ARSG: variants seen among roughly 807,000 people sequenced by gnomAD.
The protein encoded by ARSG is ASG.
ARSG carries 37 observed loss-of-function variants against 50.5 expected under a neutral mutation model. That is an observed-to-expected ratio of 0.73 (90% confidence interval 0.56 to 0.96). The LOEUF is 0.96. Among genes scored for constraint, ARSG ranks in the 50% least tolerant of loss-of-function variants. ARSG has a pLI of 0.00. For missense variants in ARSG, 629 were observed against 675.3 expected (o/e 0.93, Z 0.76); for synonymous variants, 225 against 254.6 (o/e 0.88, Z 1.11).
intron 5 of ARSG, among the ~76,000 whole-genome samples, chr17:68,353,303 C>G (rs949310989): frequency 6.6e-6 from 1 of 152,062 alleles, no homozygotes; most frequent in Non-Finnish European, 1.5e-5. Context: ...ATCCAGGTCT[C>G]TCTGAGTCCA....
At chr17:68,426,253 G>GGGGGGGGGGT, downstream of ARSG, 7 of 841,012 alleles carry the variant, frequency 8.3e-6, no homozygotes, top group South Asian at 4.0e-5. Flanking sequence ...GGGGAGCGGG[G>GGGGGGGGGGT]GCTCAAATAA....
chr17:68,347,295 C>A, intron 4 of ARSG, 123 bp downstream of exon 4: 1 of 1,164,008 alleles, frequency 8.6e-7, no homozygotes, highest in Non-Finnish European at 1.3e-6. Flanking sequence ...CATCTTTGTT[C>A]ACGAGGTCAT....
the ARSG span, among the ~76,000 whole-genome samples, chr17:68,450,322 A>C: frequency 9.2e-5 from 14 of 152,246 alleles, no homozygotes; most frequent in Non-Finnish European, 1.9e-4. Flanking sequence ...TCTCCTGCTC[A>C]GTGGTATTGC....
chr17:68,259,172 C>G (rs1357321539), upstream of ARSG: 7 of 152,392 alleles, frequency 4.6e-5, 1 homozygote, highest in East Asian at 3.9e-4. Context: ...GGAAACGCGT[C>G]GCTGTCCCCG....
chr17:68,354,734 A>G (rs1011217736), intron 5 of ARSG, among the ~76,000 whole-genome samples: 9 of 151,928 alleles, frequency 5.9e-5, no homozygotes, highest in African/African-American at 1.9e-4. Flanking sequence ...AAATACAAAA[A>G]TTAGCCAGGT....
At chr17:68,446,582 G>T in the ARSG span, among the ~76,000 whole-genome samples, 1 of 152,148 alleles carries the variant, frequency 6.6e-6, no homozygotes, top group Admixed American at 6.5e-5. Flanking sequence ...AAATATGAGT[G>T]TTCCTCTGTG....
At chr17:68,277,349 C>T (rs1183453130) in intron 1 of ARSG, among the ~76,000 whole-genome samples, 1 of 152,084 alleles carries the variant, frequency 6.6e-6, no homozygotes, top group Non-Finnish European at 1.5e-5. Flanking sequence ...TCAGGCTGGT[C>T]TCGAATTCCT....
At chr17:68,369,666 TCA>T (rs1267203093) in intron 7 of ARSG, among the ~76,000 whole-genome samples, 4 of 152,214 alleles carry the variant, frequency 2.6e-5, no homozygotes, top group African/African-American at 9.6e-5. Flanking sequence ...CCTTAATCTC[TCA>T]GTCTCCTTTT....
At chr17:68,338,568 C>T (rs999592450) in intron 2 of ARSG, among the ~76,000 whole-genome samples, 5 of 152,144 alleles carry the variant, frequency 3.3e-5, no homozygotes, top group African/African-American at 4.8e-5. Flanking sequence ...CATAGTGCCA[C>T]GGCCAGGAGC....
At chr17:68,314,327 G>GACC (rs1555767790) in intron 2 of ARSG, among the ~76,000 whole-genome samples, 1 of 151,974 alleles carries the variant, frequency 6.6e-6, no homozygotes, top group African/African-American at 2.4e-5. Context: ...AGGAGTTTGA[G>GACC]ACCAGCCTGA....
At chr17:68,370,100 C>T (rs961715394) in intron 7 of ARSG, among the ~76,000 whole-genome samples, 3 of 152,076 alleles carry the variant, frequency 2.0e-5, no homozygotes, top group Non-Finnish European at 4.4e-5. Context: ...CTGCAACCTC[C>T]GCCTCCTGGG....
the ARSG span, chr17:68,444,605 C>T: frequency 5.0e-6 from 8 of 1,603,524 alleles, no homozygotes; most frequent in East Asian, 1.8e-4. Flanking sequence ...ATCACACAGA[C>T]TTATCAGTCT....
chr17:68,421,594 C>A (rs936767364), downstream of ARSG: 6 of 770,598 alleles, frequency 7.8e-6, no homozygotes, highest in Non-Finnish European at 1.3e-5. Context: ...CCATTGGCAA[C>A]CAGGGTCGTG....
At chr17:68,400,356 A>T (rs1245728372) in intron 10 of ARSG, 1 of 152,180 alleles carries the variant, frequency 6.6e-6, no homozygotes, top group Non-Finnish European at 1.5e-5. Flanking sequence ...AGATTTCCTC[A>T]GTCCAAATAT....
At chr17:68,396,746 T>C (rs2081266319) in intron 10 of ARSG, among the ~76,000 whole-genome samples, 2 of 152,186 alleles carry the variant, frequency 1.3e-5, no homozygotes, top group Non-Finnish European at 2.9e-5. Context: ...TCGGTTCTTC[T>C]GTGCACATTA....
chr17:68,318,597 C>T (rs1233579199), intron 2 of ARSG, among the ~76,000 whole-genome samples: 3 of 152,250 alleles, frequency 2.0e-5, no homozygotes, highest in Non-Finnish European at 2.9e-5. Flanking sequence ...TTTGCTTGAA[C>T]TGTCTGCCAG....
At chr17:68,447,113 C>A in the ARSG span, among the ~76,000 whole-genome samples, 1 of 152,284 alleles carries the variant, frequency 6.6e-6, no homozygotes, top group East Asian at 1.9e-4. Flanking sequence ...GCAATAACTC[C>A]TTTTATCAAT....
At chr17:68,303,597 C>T (rs1231670729) in intron 1 of ARSG, among the ~76,000 whole-genome samples, 3 of 152,082 alleles carry the variant, frequency 2.0e-5, no homozygotes, top group African/African-American at 2.4e-5. Flanking sequence ...TACAGGTGCA[C>T]GCCACTATGC....
intron 2 of ARSG, among the ~76,000 whole-genome samples, chr17:68,312,615 C>T (rs1018368741): frequency 1.9e-4 from 29 of 152,218 alleles, no homozygotes; most frequent in Middle Eastern, 3.4e-3. Flanking sequence ...CTCTCCTTCT[C>T]CCCACCCCCT....
Sources: allele counts gnomAD v4.1 joint callset (sites outside exome capture counted in the v4.1 genomes callset), GRCh38; gene constraint gnomAD v4.1.1; transcripts MANE v1.5; gene names NCBI Gene and HGNC (gene_info 2026-07-23, HGNC 2026-07-21).